Variants in GJB7 observed in about 807,000 individuals in gnomAD.
GJB7 encodes gap junction beta-7 protein.
For synonymous variants in GJB7, 87 were observed against 95.2 expected, an observed-to-expected ratio of 0.91 and a Z score of 0.50; for missense variants, 253 against 256.8, an observed-to-expected ratio of 0.99 and a Z score of 0.10.
chr6:87,327,517 T>C (rs1453272517), intron 1 of GJB7, among the ~76,000 whole-genome samples: 1 of 150,068 alleles, frequency 6.7e-6, no homozygotes, highest in Non-Finnish European at 1.5e-5. Flanking sequence ...CTTATGAAGC[T>C]TAGTTTGGCT....
At chr6:87,313,286 T>C (rs1776536331) in intron 2 of GJB7, among the ~76,000 whole-genome samples, 1 of 152,244 alleles carries the variant, frequency 6.6e-6, no homozygotes, top group Non-Finnish European at 1.5e-5. Context: ...CTACTACTTA[T>C]TGAACTTAAG....
chr6:87,325,061 GCT>G (rs1176543947), intron 1 of GJB7, among the ~76,000 whole-genome samples: 1 of 151,860 alleles, frequency 6.6e-6, no homozygotes, highest in Non-Finnish European at 1.5e-5. Context: ...TCATGATTTG[GCT>G]CTCTGTTTGT....
At chr6:87,323,719 A>C (rs1250932241) in intron 1 of GJB7, among the ~76,000 whole-genome samples, 3 of 152,106 alleles carry the variant, frequency 2.0e-5, no homozygotes, top group East Asian at 1.9e-4. Flanking sequence ...ATTGTGAATA[A>C]TGCCGCAATA....
At chr6:87,324,618 C>T (rs1776769131) in intron 1 of GJB7, among the ~76,000 whole-genome samples, 1 of 148,354 alleles carries the variant, frequency 6.7e-6, no homozygotes, top group Admixed American at 6.7e-5. Context: ...TGTTCTATTC[C>T]ATTGATCTAT....
intron 2 of GJB7, among the ~76,000 whole-genome samples, chr6:87,305,482 C>T (rs1562213228): frequency 6.6e-6 from 1 of 152,048 alleles, no homozygotes; most frequent in African/African-American, 2.4e-5. Flanking sequence ...ATGTGAAGGA[C>T]CTCTTCAAGG....
intron 2 of GJB7, among the ~76,000 whole-genome samples, chr6:87,315,638 C>CA (rs1259156029): frequency 6.6e-6 from 1 of 150,878 alleles, no homozygotes; most frequent in East Asian, 1.9e-4. Flanking sequence ...CTAAACATAC[C>CA]AAAAAAAATT....
intron 1 of GJB7, among the ~76,000 whole-genome samples, chr6:87,324,623 A>G (rs892095350): frequency 2.1e-5 from 3 of 145,722 alleles, no homozygotes; most frequent in African/African-American, 7.5e-5. Context: ...TATTCCATTG[A>G]TCTATATCTC....
chr6:87,327,932 T>A (rs555659794), intron 1 of GJB7, among the ~76,000 whole-genome samples: 347 of 150,266 alleles, frequency 2.3e-3, no homozygotes, highest in Middle Eastern at 6.8e-3. Flanking sequence ...AGTCCCATAT[T>A]TCTTGGAGGC....
At chr6:87,319,916 A>C (rs1776631733) in intron 2 of GJB7, among the ~76,000 whole-genome samples, 1 of 152,250 alleles carries the variant, frequency 6.6e-6, no homozygotes, top group Non-Finnish European at 1.5e-5. Flanking sequence ...AGGCACAGGA[A>C]GACAAACTTT....
At chr6:87,305,492 G>A (rs1481882176) in intron 2 of GJB7, among the ~76,000 whole-genome samples, 2 of 152,092 alleles carry the variant, frequency 1.3e-5, no homozygotes, top group Non-Finnish European at 2.9e-5. Flanking sequence ...CCTCTTCAAG[G>A]AGAACTACAA....
intron 2 of GJB7, among the ~76,000 whole-genome samples, chr6:87,317,218 G>C (rs1776596383): frequency 3.6e-5 from 4 of 110,042 alleles, no homozygotes; most frequent in Admixed American, 2.5e-4. Flanking sequence ...AAAAAAATTA[G>C]CCGGGCATGA....
intron 2 of GJB7, among the ~76,000 whole-genome samples, chr6:87,306,391 A>T (rs1776428098): frequency 6.6e-6 from 1 of 152,376 alleles, no homozygotes; most frequent in East Asian, 1.9e-4. Context: ...TCTCAGAAGA[A>T]GACATTTATG....
At chr6:87,320,690 G>A (rs966668051) in intron 2 of GJB7, among the ~76,000 whole-genome samples, 1 of 152,296 alleles carries the variant, frequency 6.6e-6, no homozygotes, top group South Asian at 2.1e-4. Context: ...TCTCAAAGCA[G>A]CGTGGGGGTG....
intron 2 of GJB7, among the ~76,000 whole-genome samples, chr6:87,292,294 C>T (rs1776187286): frequency 6.6e-6 from 1 of 152,136 alleles, no homozygotes; most frequent in African/African-American, 2.4e-5. Flanking sequence ...AAATGATTTT[C>T]CAACATTTTA....
intron 1 of GJB7, among the ~76,000 whole-genome samples, chr6:87,324,484 A>C (rs1470745671): frequency 6.6e-5 from 10 of 150,870 alleles, no homozygotes; most frequent in East Asian, 5.8e-4. Context: ...AGCTTTCTAC[A>C]TATGGCTAGC....
At chr6:87,303,726 T>C (rs1776374370) in intron 2 of GJB7, among the ~76,000 whole-genome samples, 1 of 152,220 alleles carries the variant, frequency 6.6e-6, no homozygotes, top group African/African-American at 2.4e-5. Flanking sequence ...ATATACCTTC[T>C]TCTCAGCACT....
In GJB7 at chr6:87,283,800, GAT is replaced by G; in HGVS notation, c.*439_*440del. 1 of 153,606 alleles carries G rather than the reference GAT, an allele frequency of 6.5e-6. No individual in the cohort carries two copies. Among genetic ancestry groups the G allele is most frequent in the African/African-American group, 2.4e-5 (1 of 41,006 alleles). The allele number at this position is 153,606 out of a possible 1,614,324, so 9.5% of individuals were successfully genotyped here. The stretch of plus-strand genomic sequence containing the variant: ...GTTCATTGTGCACCAATTGTAATGA[GAT>G]AGTTAGAAAAAACAGAAAACTGACA... On this transcript the variant is annotated 3_prime_UTR_variant, in exon 3 of 3. Transcript: ENST00000525899.
intron 2 of GJB7, among the ~76,000 whole-genome samples, chr6:87,287,574 T>C (rs1326186947): frequency 6.6e-6 from 1 of 152,160 alleles, no homozygotes; most frequent in Non-Finnish European, 1.5e-5. Context: ...TTGTATTAAA[T>C]AAAAAGGATT....
intron 2 of GJB7, among the ~76,000 whole-genome samples, chr6:87,292,389 A>AT (rs1198990034): frequency 6.6e-6 from 1 of 152,220 alleles, no homozygotes; most frequent in Non-Finnish European, 1.5e-5. Flanking sequence ...ACTTCACTTC[A>AT]TAAGTCCTAT....
Sources: allele counts gnomAD v4.1 joint callset (sites outside exome capture counted in the v4.1 genomes callset), GRCh38; gene constraint gnomAD v4.1.1; transcripts MANE v1.5; gene names NCBI Gene and HGNC (gene_info 2026-07-23, HGNC 2026-07-21).